Variants in FUZ observed in about 807,000 individuals in gnomAD.
FUZ encodes protein fuzzy homolog.
In FUZ, 31 loss-of-function variants were observed where a neutral mutation model predicts 43.1. The observed-to-expected ratio is 0.72, with a 90% CI of 0.54 to 0.97. The LOEUF is 0.97. Among genes scored for constraint, FUZ ranks in the 50% least tolerant of loss-of-function variants. The pLI, the probability that FUZ is intolerant of heterozygous loss-of-function variation, is 0.00. For missense variants in FUZ, 539 were observed against 543.8 expected (o/e 0.99, Z 0.09); for synonymous variants, 274 against 250.0 (o/e 1.10, Z -0.91).
At position 49,812,661 on chromosome 19, in the gene FUZ, C is replaced by A. The variant is rs746594564; in HGVS notation, c.187G>T (p.Ala63Ser). ...ACCACAGTCGTGTTCTCGGTCCTCG[C>A]AGAGCTCAGCTGCACCTCCAGATTC... Reference protein sequence around the residue: ...GQNLEVQLSSARTENTTVVWK... With the variant: ...GQNLEVQLSSSRTENTTVVWK... Residue 63 changes from alanine to serine, a missense_variant, in exon 2 of 11, where the codon GCG becomes TCG. By Grantham distance (99) the Ala-to-Ser change is moderately conservative. Transcript: ENST00000313777. 6.2e-7 allele frequency: 1 copy of A among 1,614,038 alleles called. No homozygotes were observed. The highest frequency in any genetic ancestry group is 8.5e-7 in the Non-Finnish European group (1 of 1,180,038).
rs186690638 is a variant in FUZ, at chr19:49,807,069, A to G, written c.*82T>C. 2.0e-3 allele frequency: 2,585 copies of G among 1,283,212 alleles called. 2 individuals are homozygous for G. The highest frequency in any genetic ancestry group is 2.5e-3 in the Non-Finnish European group (2,480 of 984,316). The allele number at this position is 1,283,212 out of a possible 1,614,324, so 79.5% of individuals were successfully genotyped here. On this transcript the variant is annotated 3_prime_UTR_variant, in exon 11 of 11. Transcript: ENST00000313777. ...AGCCCCTCCTACCCCCTCCCCATCC[A>G]GGGGCTGTGTATTATTGTGAGCGAA... is the stretch of plus-strand genomic sequence containing the variant.
Position 49,812,781 on chromosome 19 carries a change from C to T in FUZ, c.112-45G>A, listed in dbSNP as rs780787839. ...ATCAGACAAGAGCACCCCCCCATCC[C>T]CTTCCCCCTTAGGACCCAAGTGTGC... On this transcript the variant is annotated intron_variant, in intron 1 of 10. Coordinates refer to ENST00000313777, the MANE Select transcript of FUZ (RefSeq NM_025129.5). 1.2e-5 allele frequency: 19 copies of T among 1,608,316 alleles called. No individual in the cohort carries two copies. In the South Asian group the frequency reaches 1.8e-4, roughly 15 times the overall value.
chr19:49,808,903 G>A, intron 7 of FUZ, 80 bp from the exon 8 acceptor site: 2 of 1,159,758 alleles, frequency 1.7e-6, no homozygotes, highest in Non-Finnish European at 2.5e-6. Context: ...ACAAGGATAG[G>A]GGCGTGGTCA....
In FUZ at chr19:49,809,364, C is replaced by G; in HGVS notation, c.690+14G>C. ...CAGGTCACATCCCTCCGTCGGTGCC[C>G]GCCACCCACTCACCGTGGGGCTCCC... On this transcript the variant is annotated intron_variant, in intron 6 of 10. Coordinates refer to ENST00000313777, the MANE Select transcript of FUZ (RefSeq NM_025129.5). The surrounding 1 kb of genome is among the most constrained non-coding windows in gnomAD (Gnocchi z 5.1). 6.5e-7 allele frequency: 1 copy of G among 1,544,930 alleles called. No homozygotes were observed. The highest frequency in any genetic ancestry group is 8.7e-7 in the Non-Finnish European group (1 of 1,146,768).
intron 5 of FUZ, among the ~76,000 whole-genome samples, chr19:49,810,710 G>A (rs991452867): frequency 6.7e-6 from 1 of 150,360 alleles, no homozygotes; most frequent in South Asian, 2.1e-4. Context: ...ATAGCTGAAT[G>A]TGGTGGCACA....
rs544884496 is a variant in FUZ, at chr19:49,813,132, C to T, written c.-26G>A. ...TTAGGACTCCCACCGCGGTCCCTCA[C>T]GTGGGGACTGTCAGTGCGGGTCTTG... On this transcript the variant is annotated 5_prime_UTR_variant, in exon 1 of 11. It adds an upstream start codon to the 5' untranslated region. Transcript: ENST00000313777. The T allele has an allele frequency of 2.3e-4, 347 of 1,522,470 alleles. 2 individuals are homozygous for T. In the South Asian group the frequency reaches 4.0e-3, roughly 18 times the overall value. 94.3% of individuals were successfully genotyped at this position (1,522,470 alleles called of 1,614,324 possible).
Position 49,809,033 on chromosome 19 carries a change from GA to G in FUZ, c.786+129del. The G allele has an allele frequency of 1.0e-6, 1 of 1,001,716 alleles. No individual in the cohort carries two copies. The highest frequency in any genetic ancestry group is 1.5e-6 in the Non-Finnish European group (1 of 652,836). The allele number at this position is 1,001,716 out of a possible 1,614,324, so 62.1% of individuals were successfully genotyped here. A position where few individuals can be genotyped will look rare whatever the true frequency, so the allele number is the denominator to read the frequency against. Reference sequence around the variant, plus strand: ...GAGCGGCCGATCTTGGCGGGTAGGTGAATGACTGGAGCGCAGTCCAGAAGAG... The same window carrying G: ...GAGCGGCCGATCTTGGCGGGTAGGTGATGACTGGAGCGCAGTCCAGAAGAG... On this transcript the variant is annotated intron_variant, in intron 7 of 10. Coordinates refer to ENST00000313777, the MANE Select transcript of FUZ (RefSeq NM_025129.5). The surrounding 1 kb of genome is among the most constrained non-coding windows in gnomAD (Gnocchi z 5.1).
chr19:49,809,597 A>G lies in FUZ; in HGVS notation c.493-22T>C, dbSNP rs1435563933. The G allele has an allele frequency of 1.9e-6, 3 of 1,570,978 alleles. No homozygotes were observed. Among genetic ancestry groups the G allele is most frequent in the Non-Finnish European group, 2.6e-6 (3 of 1,164,834 alleles). ...CTTCCTGGGTACGGGAGGCAGGAGG[A>G]CTGGGAGTCAGCAGACAAGCGTAGG... On this transcript the variant is annotated intron_variant, in intron 5 of 10. Coordinates refer to ENST00000313777, the MANE Select transcript of FUZ (RefSeq NM_025129.5). The surrounding 1 kb of genome is among the most constrained non-coding windows in gnomAD (Gnocchi z 5.1).
intron 2 of FUZ, 44 bp from the exon 3 acceptor site, chr19:49,812,379 C>T: frequency 6.5e-7 from 1 of 1,544,096 alleles, no homozygotes; most frequent in Non-Finnish European, 9.0e-7. Flanking sequence ...CCTGGGGAAT[C>T]AGGAAGGGGT....
rs1334733156 is a variant in FUZ at position 49,808,616 on chromosome 19, G to A, written c.916C>T (p.Leu306=). ...ILGLLLLHLE[L]KRCLFTVEPL... ...TCCACGGTGAAGAGGCAGCGCTTCA[G>A]TTCCAGGTGGAGGAGCAGCAGCCTG... Residue 306 remains leucine (L), a synonymous_variant, in exon 9 of 11, where the codon CTG becomes TTG. Coordinates refer to ENST00000313777, the MANE Select transcript of FUZ (RefSeq NM_025129.5). The A allele has an allele frequency of 1.2e-6, 2 of 1,613,286 alleles. No homozygotes were observed. Among genetic ancestry groups the A allele is most frequent in the Non-Finnish European group, 1.7e-6 (2 of 1,179,774 alleles).
chr19:49,809,007 G>A lies in FUZ; in HGVS notation c.786+156C>T. On this transcript the variant is annotated intron_variant, in intron 7 of 10. Coordinates refer to ENST00000313777, the MANE Select transcript of FUZ (RefSeq NM_025129.5). This position sits in a 1 kb window ranked among gnomAD's most constrained non-coding sequence, Gnocchi z 5.1. The stretch of plus-strand genomic sequence containing the variant: ...GCCTGGAAGAATAGAGGCAGAGGCG[G>A]GAGCGGCCGATCTTGGCGGGTAGGT... 1 of 898,882 alleles carries A rather than the reference G, an allele frequency of 1.1e-6. No individual in the cohort carries two copies. Among genetic ancestry groups the A allele is most frequent in the Non-Finnish European group, 1.8e-6 (1 of 562,038 alleles). 55.7% of individuals were successfully genotyped at this position (898,882 alleles called of 1,614,324 possible).
intron 8 of FUZ, 31 bp downstream of exon 8, chr19:49,808,686 C>T: frequency 1.2e-6 from 2 of 1,604,126 alleles, no homozygotes; most frequent in Non-Finnish European, 8.5e-7. Context: ...AGGACATGAC[C>T]CCCGACCCAC....
In FUZ at chr19:49,809,648, C is replaced by T; in HGVS notation, c.493-73G>A. ...GGGTGGCAGCGACTTCCCAGATGGG[C>T]AGGGAATGGGGAGAAACCCACAGCC... On this transcript the variant is annotated intron_variant, in intron 5 of 10. Coordinates refer to ENST00000313777, the MANE Select transcript of FUZ (RefSeq NM_025129.5). This position sits in a 1 kb window ranked among gnomAD's most constrained non-coding sequence, Gnocchi z 5.1. 2 of 1,470,580 alleles carry T rather than the reference C, an allele frequency of 1.4e-6. No individual in the cohort carries two copies. Among genetic ancestry groups the T allele is most frequent in the African/African-American group, 1.4e-5 (1 of 71,882 alleles). The allele number at this position is 1,470,580 out of a possible 1,614,324, so 91.1% of individuals were successfully genotyped here.
At position 49,809,326 on chromosome 19, in the gene FUZ, G is replaced by A. The variant is rs2073630580; in HGVS notation, c.690+52C>T. ...TTTCCATCGCAGATCCCGCCTCCTC[G>A]CGACTCGGCCCCCAGGTCACATCCC... On this transcript the variant is annotated intron_variant, in intron 6 of 10. Coordinates refer to ENST00000313777, the MANE Select transcript of FUZ (RefSeq NM_025129.5). The surrounding 1 kb of genome is among the most constrained non-coding windows in gnomAD (Gnocchi z 5.1). 6 of 1,547,116 alleles carry A rather than the reference G, an allele frequency of 3.9e-6. No individual in the cohort carries two copies. The highest frequency in any genetic ancestry group is 2.4e-5 in the South Asian group (2 of 84,022).
At chr19:49,808,237 C>T (rs2073506633) in intron 10 of FUZ, 177 bp downstream of exon 10, 1 of 714,548 alleles carries the variant, frequency 1.4e-6, no homozygotes, top group East Asian at 2.7e-5. Flanking sequence ...GGGGACCTCC[C>T]TTCCCCTCCC....
chr19:49,813,009 G>T lies in FUZ; in HGVS notation c.98C>A (p.Pro33His). 2.6e-6 allele frequency: 4 copies of T among 1,550,964 alleles called. No individual in the cohort carries two copies. Among genetic ancestry groups the T allele is most frequent in the Non-Finnish European group, 3.5e-6 (4 of 1,146,922 alleles). Residue 33 changes from proline to histidine, a missense_variant, in exon 1 of 11, where the codon CCC becomes CAC. Physicochemically the swap from Pro to His is moderately conservative, Grantham distance 77. Coordinates refer to ENST00000313777, the MANE Select transcript of FUZ (RefSeq NM_025129.5). ...CCAAGGCCCCACCTGCTGACGGGCG[G>T]GGGCGCCGCCGCGACTGCTCCTGCA... ...LFCRSSRGGA[P>H]ARQQLPFSVI...
Position 49,809,624 on chromosome 19 carries a change from G to T in FUZ, c.493-49C>A. The T allele has an allele frequency of 2.6e-6, 4 of 1,536,724 alleles. No individual in the cohort carries two copies. The highest frequency in any genetic ancestry group is 3.5e-6 in the Non-Finnish European group (4 of 1,144,464). Reference sequence around the variant, plus strand: ...TGGGAGTCAGCAGACAAGCGTAGGGGGTGGCAGCGACTTCCCAGATGGGCA... The same window carrying T: ...TGGGAGTCAGCAGACAAGCGTAGGGTGTGGCAGCGACTTCCCAGATGGGCA... On this transcript the variant is annotated intron_variant, in intron 5 of 10. Transcript: ENST00000313777. The surrounding 1 kb of genome is among the most constrained non-coding windows in gnomAD (Gnocchi z 5.1).
chr19:49,811,678 C>T lies in FUZ; in HGVS notation c.340G>A (p.Glu114Lys). The part of the protein sequence containing the change: ...GAMVLLVGLE[E>K]LTNIRNVERL... ...TCCACGTTGCGGATATTGGTCAGTT[C>T]TTCAAGTCCCACAAGAAGGACCTAG... The change falls in exon 4 of 11, where the codon GAA becomes AAA. Residue 114 changes from glutamate (E) to lysine (K), a missense_variant. Glu to Lys is a moderately conservative substitution (Grantham distance 56, BLOSUM62 1). Transcript: ENST00000313777. 6.2e-7 allele frequency: 1 copy of T among 1,614,108 alleles called. No individual in the cohort carries two copies.
In FUZ at chr19:49,811,663, G is replaced by C. The variant is rs2073799268; in HGVS notation, c.355C>G (p.Arg119Gly). ...LVGLEELTNI[R>G]NVERLKKDLR... ...TCCTTCTTCAGTCTCTCCACGTTGC[G>C]GATATTGGTCAGTTCTTCAAGTCCC... Residue 119 changes from arginine (R) to glycine (G), a missense_variant, in exon 4 of 11, where the codon CGC (arginine) becomes GGC (glycine). Physicochemically the swap from Arg to Gly is moderately radical, Grantham distance 125. Transcript: ENST00000313777. 1.2e-6 allele frequency: 2 copies of C among 1,614,114 alleles called. No homozygotes were observed. The highest frequency in any genetic ancestry group is 8.5e-7 in the Non-Finnish European group (1 of 1,179,990).
Sources: allele counts gnomAD v4.1 joint callset (sites outside exome capture counted in the v4.1 genomes callset), GRCh38; gene constraint gnomAD v4.1.1; non-coding constraint Gnocchi (gnomAD v3.1); transcripts MANE v1.5; gene names NCBI Gene and HGNC (gene_info 2026-07-23, HGNC 2026-07-21).